GMDS: variants seen among roughly 807,000 people sequenced by gnomAD.
GMDS encodes the protein GDP-mannose 4,6-dehydratase, also known as GDP-mannose 4,6 dehydratase.
A neutral mutation model predicts 49.9 loss-of-function variants in GMDS; 20 were observed. The ratio of observed to expected loss-of-function variants is 0.40; its 90% CI spans 0.28 to 0.58. The LOEUF is 0.58. Ranked by LOEUF, GMDS falls within the 20% of genes least tolerant of loss-of-function variation. GMDS has a pLI of 0.42. For missense variants in GMDS, 362 were observed against 481.4 expected, an observed-to-expected ratio of 0.75 and a Z score of 2.32; for synonymous variants, 177 against 178.6, an observed-to-expected ratio of 0.99 and a Z score of 0.07.
chr6:1,870,616 G>T (rs1758687735), intron 7 of GMDS, among the ~76,000 whole-genome samples: 1 of 152,138 alleles, frequency 6.6e-6, no homozygotes, highest in Non-Finnish European at 1.5e-5. Flanking sequence ...ACTTAGTTCA[G>T]TGCTAGTTAT....
chr6:2,059,840 G>A (rs1771038041), intron 4 of GMDS, among the ~76,000 whole-genome samples: 1 of 150,408 alleles, frequency 6.6e-6, no homozygotes, highest in African/African-American at 2.5e-5. Flanking sequence ...GAAGCTCAGA[G>A]ACACTGGCCC....
At chr6:1,657,825 A>G (rs927699535) in intron 9 of GMDS, among the ~76,000 whole-genome samples, 1 of 150,716 alleles carries the variant, frequency 6.6e-6, no homozygotes, top group African/African-American at 2.4e-5. Context: ...CTTTACTCCT[A>G]AAAGATCCTT....
chr6:1,769,882 A>G (rs1047501916), intron 7 of GMDS, among the ~76,000 whole-genome samples: 1 of 151,992 alleles, frequency 6.6e-6, no homozygotes, highest in African/African-American at 2.4e-5. Flanking sequence ...GTGGACCACC[A>G]GGCCTGGCTA....
At chr6:1,936,699 G>A (rs573409340) in intron 6 of GMDS, among the ~76,000 whole-genome samples, 2 of 152,294 alleles carry the variant, frequency 1.3e-5, no homozygotes, top group Admixed American at 1.3e-4. Context: ...AGGCACAGTG[G>A]CTCACGCCTG....
rs200096039 is a variant in GMDS at position 2,025,357 on chromosome 6, GGTGTGTGTGTGTGTGT to G, written c.346-64407_346-64392del. 1.6e-3 allele frequency among the ~76,000 whole-genome samples: 214 copies of G among 136,656 alleles called. 1 individual carries two copies. Among genetic ancestry groups the G allele is most frequent in the African/African-American group, 4.3e-3 (157 of 36,548 alleles). The allele number at this position is 136,656 out of a possible 152,430, so 89.7% of individuals were successfully genotyped here. ...ATTAGTTCTGTAAATCTGATGGTGG[GGTGTGTGTGTGTGTGT>G]GTGTGTGTGTGTGTGTGTGTGTGTG... is the stretch of plus-strand genomic sequence containing the variant. On this transcript the variant is annotated intron_variant, in intron 4 of 10. Transcript: ENST00000380815.
intron 6 of GMDS, 27 bp from the exon 7 acceptor site, chr6:1,930,257 C>T (rs765988661): frequency 6.2e-7 from 1 of 1,602,536 alleles, no homozygotes. Flanking sequence ...GATGTAGTAT[C>T]AGTCAAGTGC....
intron 1 of GMDS, among the ~76,000 whole-genome samples, chr6:2,200,747 T>A (rs1473681308): frequency 1.1e-4 from 14 of 124,022 alleles, no homozygotes; most frequent in African/African-American, 2.8e-4. Flanking sequence ...ATCCGAGATG[T>A]AACCATCTAG....
At chr6:1,709,971 G>A (rs2113389056) in intron 9 of GMDS, among the ~76,000 whole-genome samples, 1 of 152,210 alleles carries the variant, frequency 6.6e-6, no homozygotes, top group African/African-American at 2.4e-5. Flanking sequence ...ATTATTTCTG[G>A]AAATAGTTAA....
intron 1 of GMDS, among the ~76,000 whole-genome samples, chr6:2,187,271 T>C (rs1289311959): frequency 6.6e-6 from 1 of 152,198 alleles, no homozygotes; most frequent in Non-Finnish European, 1.5e-5. Flanking sequence ...TCTACCCCAC[T>C]GGTCTGGGAT....
chr6:1,899,217 T>C (rs560857190), intron 7 of GMDS, among the ~76,000 whole-genome samples: 45 of 152,264 alleles, frequency 3.0e-4, no homozygotes, highest in Non-Finnish European at 4.7e-4. Flanking sequence ...TAGATAGTCA[T>C]TTATGGTGTT....
rs150859572 is a variant in GMDS at position 1,971,991 on chromosome 6, C to T, written c.346-11025G>A. Among the ~76,000 whole-genome samples, 408 of 152,224 alleles carry T rather than the reference C, an allele frequency of 2.7e-3. 2 individuals carry two copies. The highest frequency in any genetic ancestry group is 9.0e-3 in the African/African-American group (374 of 41,528). ...CCAGCTCTTCTGACTTACTCCAAAA[C>T]GAAGAACAGCTGCCCCAGCAACATT... On this transcript the variant is annotated intron_variant, in intron 4 of 10. Transcript: ENST00000380815.
At chr6:2,104,796 ATT>A (rs1263654968) in intron 4 of GMDS, among the ~76,000 whole-genome samples, 11 of 152,316 alleles carry the variant, frequency 7.2e-5, no homozygotes, top group East Asian at 3.9e-4. Context: ...AAAAGTTGAA[ATT>A]TTAAGTCACT....
intron 7 of GMDS, among the ~76,000 whole-genome samples, chr6:1,813,188 C>T (rs1033244954): frequency 7.8e-6 from 1 of 128,490 alleles, no homozygotes; most frequent in East Asian, 2.3e-4. Flanking sequence ...TGCCGCCGCA[C>T]TGAAGCCTGT....
chr6:1,710,887 T>G (rs970645086), intron 9 of GMDS, among the ~76,000 whole-genome samples: 3 of 152,326 alleles, frequency 2.0e-5, no homozygotes, highest in Admixed American at 6.5e-5. Flanking sequence ...GTGAAGGGGT[T>G]GACTACATAT....
chr6:2,001,504 T>G (rs1030530607), intron 4 of GMDS, among the ~76,000 whole-genome samples: 15 of 152,182 alleles, frequency 9.9e-5, no homozygotes, highest in Admixed American at 9.8e-4. Flanking sequence ...TTTAAGAGTT[T>G]TATGCTTTTA....
chr6:1,774,224 C>T (rs1352790208), intron 7 of GMDS, among the ~76,000 whole-genome samples: 2 of 152,194 alleles, frequency 1.3e-5, no homozygotes, highest in Non-Finnish European at 2.9e-5. Context: ...GAATAAAGGA[C>T]AGTATATTAT....
chr6:2,219,761 T>A (rs1289487654), intron 1 of GMDS, among the ~76,000 whole-genome samples: 1 of 152,172 alleles, frequency 6.6e-6, no homozygotes, highest in East Asian at 1.9e-4. Flanking sequence ...CTGATTTCAG[T>A]ATCATGAATA....
At chr6:1,830,816 C>T (rs3800083) in intron 7 of GMDS, among the ~76,000 whole-genome samples, 25,224 of 152,152 alleles carry the variant, frequency 0.17, 2,228 homozygotes, top group Admixed American at 0.24. Flanking sequence ...TACTATAAGG[C>T]ATTTCAGGGA....
chr6:2,141,144 G>C lies in GMDS; in HGVS notation c.103-16413C>G, dbSNP rs113286158. Among the ~76,000 whole-genome samples the C allele has an allele frequency of 5.5e-3, 831 of 152,312 alleles. 4 individuals are homozygous for C. Among genetic ancestry groups the C allele is most frequent in the Non-Finnish European group, 8.5e-3 (579 of 68,030 alleles). On this transcript the variant is annotated intron_variant, in intron 1 of 10. Transcript: ENST00000380815. The stretch of plus-strand genomic sequence containing the variant: ...TAATAACAAAAAATGAGCTACAAAC[G>C]GTTCAATAAAAGTCAAAGGTGAAAC...
Sources: allele counts gnomAD v4.1 joint callset (sites outside exome capture counted in the v4.1 genomes callset), GRCh38; gene constraint gnomAD v4.1.1; transcripts MANE v1.5; gene names NCBI Gene and HGNC (gene_info 2026-07-23, HGNC 2026-07-21).